The following DOT1L variants were observed in gnomAD, a reference collection of about 807,000 sequenced individuals.
The protein encoded by DOT1L is histone-lysine N-methyltransferase, H3 lysine-79 specific.
DOT1L carries 33 observed loss-of-function variants against 153.3 expected under a neutral mutation model. The observed-to-expected ratio is 0.22, with a 90% confidence interval of 0.16 to 0.29. The LOEUF (loss-of-function observed/expected upper bound fraction) is 0.29. DOT1L is among the 10% of genes least tolerant of loss of function. The probability of loss-of-function intolerance (pLI) is 1.00; values close to 1 mark genes in which losing one functional copy is unlikely to be tolerated. For synonymous variants in DOT1L, 1,135 were observed against 965.1 expected (o/e 1.18, Z -3.26); for missense variants, 1,847 against 2,119.9 (o/e 0.87, Z 2.53).
Position 2,230,800 on chromosome 19 carries a change from C to G in DOT1L, c.*1008C>G, listed in dbSNP as rs1452906936. On this transcript the variant is annotated 3_prime_UTR_variant, in exon 28 of 28. Transcript: ENST00000398665. ...CACAAAATGGCCCCAGCGTCAGCCC[C>G]GACCCTAGACCCCTCAGTTGCAGCT... 1 of 384,000 alleles carries G rather than the reference C, an allele frequency of 2.6e-6. No homozygotes were observed. Among genetic ancestry groups the G allele is most frequent in the South Asian group, 1.4e-4 (1 of 6,912 alleles). The allele number at this position is 384,000 out of a possible 1,614,324, so 23.8% of individuals were successfully genotyped here.
intron 1 of DOT1L, among the ~76,000 whole-genome samples, chr19:2,165,473 C>T (rs2019878261): frequency 6.6e-6 from 1 of 152,208 alleles, no homozygotes; most frequent in African/African-American, 2.4e-5. Context: ...CCCTGGGGCT[C>T]TGGCTTCTCT....
At chr19:2,185,458 G>C (rs1396356078) in intron 2 of DOT1L, among the ~76,000 whole-genome samples, 1 of 152,170 alleles carries the variant, frequency 6.6e-6, no homozygotes, top group African/African-American at 2.4e-5. Context: ...TTCTGTTGGA[G>C]AGGATGCAGT....
At chr19:2,223,513 G>A (rs765461337) in intron 25 of DOT1L, 27 bp downstream of exon 25, 3 of 1,555,186 alleles carry the variant, frequency 1.9e-6, no homozygotes, top group Admixed American at 3.6e-5. Context: ...GGAGGGGGGC[G>A]GGGCCTGGCA....
intron 3 of DOT1L, among the ~76,000 whole-genome samples, chr19:2,187,886 C>T (rs868628652): frequency 1.1e-4 from 17 of 148,436 alleles, no homozygotes; most frequent in South Asian, 2.1e-4. Context: ...CGCGCCACCG[C>T]ACTCCAGCCT....
Position 2,217,139 on chromosome 19 carries a change from G to C in DOT1L, c.2544+49G>C. ...GGGCTCAGGGAGGTGCTCAGCAGAG[G>C]CGGCCTGAGCGAGTTGCTAGCAGGA... On this transcript the variant is annotated intron_variant, in intron 21 of 27. Transcript: ENST00000398665. This position sits in a 1 kb window ranked among gnomAD's most constrained non-coding sequence, Gnocchi z 7.3. The C allele has an allele frequency of 6.6e-7, 1 of 1,516,714 alleles. No individual in the cohort carries two copies. Among genetic ancestry groups the C allele is most frequent in the Non-Finnish European group, 8.8e-7 (1 of 1,134,386 alleles). 94.0% of individuals were successfully genotyped at this position (1,516,714 alleles called of 1,614,324 possible).
rs762531606 is a variant in DOT1L, at chr19:2,226,259, G to A, written c.3738G>A (p.Ser1246=). The A allele has an allele frequency of 5.7e-6, 9 of 1,582,088 alleles. No individual in the cohort carries two copies. The highest frequency in any genetic ancestry group is 1.8e-5 in the Admixed American group (1 of 55,954). Residue 1246 remains serine (S), a synonymous_variant, in exon 27 of 28, where the codon TCG becomes TCA. Transcript: ENST00000398665. ...VNSSKWKSTF[S]PISDIGLAKS... is the part of the protein sequence containing the mutation. ...GCAGCAAGTGGAAGTCCACCTTCTC[G>A]CCCATCTCCGACATCGGCCTGGCCA... is the stretch of plus-strand genomic sequence containing the variant.
chr19:2,174,504 T>C (rs1446073953), intron 1 of DOT1L, among the ~76,000 whole-genome samples: 1 of 152,098 alleles, frequency 6.6e-6, no homozygotes, highest in African/African-American at 2.4e-5. Context: ...CTGACCAACG[T>C]GGAGAAACCC....
chr19:2,222,684 A>G lies in DOT1L; in HGVS notation c.3390+125A>G, dbSNP rs2024171142. On this transcript the variant is annotated intron_variant, in intron 24 of 27. Transcript: ENST00000398665. This position sits in a 1 kb window ranked among gnomAD's most constrained non-coding sequence, Gnocchi z 6.5. ...GGGAGGCCGAGGCGGGTGGATCACA[A>G]GATCAGGACATCAAGACCATCCTGG... 3 of 900,982 alleles carry G rather than the reference A, an allele frequency of 3.3e-6. No individual in the cohort carries two copies. The East Asian group carries it at 8.0e-5, about 24-fold the overall frequency. The allele number at this position is 900,982 out of a possible 1,614,324, so 55.8% of individuals were successfully genotyped here. A position where few individuals can be genotyped will look rare whatever the true frequency, so the allele number is the denominator to read the frequency against.
chr19:2,214,783 C>G, intron 19 of DOT1L, 187 bp downstream of exon 19: 1 of 810,606 alleles, frequency 1.2e-6, no homozygotes, highest in East Asian at 3.0e-5. Context: ...ATGACTCTGC[C>G]TCACTCTAGC....
chr19:2,222,740 A>G lies in DOT1L; in HGVS notation c.3390+181A>G. On this transcript the variant is annotated intron_variant, in intron 24 of 27. Coordinates refer to ENST00000398665, the MANE Select transcript of DOT1L (RefSeq NM_032482.3). The surrounding 1 kb of genome is among the most constrained non-coding windows in gnomAD (Gnocchi z 6.5). ...ACGGTGAAACCCCGTCTCTACCAAA[A>G]ATACAAAAGATTAGCCGGGCGTGGT... 1.6e-6 allele frequency: 1 copy of G among 639,456 alleles called. No individual in the cohort carries two copies. Among genetic ancestry groups the G allele is most frequent in the Non-Finnish European group, 2.6e-6 (1 of 391,346 alleles). 39.6% of individuals were successfully genotyped at this position (639,456 alleles called of 1,614,324 possible). A position where few individuals can be genotyped will look rare whatever the true frequency, so the allele number is the denominator to read the frequency against.
intron 1 of DOT1L, among the ~76,000 whole-genome samples, chr19:2,169,668 C>T (rs1304727572): frequency 2.0e-5 from 3 of 152,026 alleles, no homozygotes; most frequent in South Asian, 2.1e-4. Flanking sequence ...TCTTTTTTTC[C>T]TTTAAAAATC....
At chr19:2,178,393 C>G (rs2022059120) in intron 1 of DOT1L, among the ~76,000 whole-genome samples, 4 of 149,700 alleles carry the variant, frequency 2.7e-5, no homozygotes, top group Admixed American at 2.7e-4. Flanking sequence ...CAAAAAATCT[C>G]CAAAACACAC....
At chr19:2,188,494 C>CCCG (rs1491479536) in intron 3 of DOT1L, among the ~76,000 whole-genome samples, 8 of 117,630 alleles carry the variant, frequency 6.8e-5, no homozygotes, top group East Asian at 5.2e-4. Flanking sequence ...CCCCCCCCCC[C>CCCG]ACCCGCACAG....
intron 27 of DOT1L, chr19:2,228,667 G>A (rs2024473208): frequency 1.0e-6 from 1 of 985,438 alleles, no homozygotes; most frequent in Non-Finnish European, 1.2e-6. Flanking sequence ...CAGCCCCTGT[G>A]GGCGAGGCTC....
chr19:2,218,954 C>G (rs1363659539), intron 22 of DOT1L, among the ~76,000 whole-genome samples: 3 of 152,214 alleles, frequency 2.0e-5, no homozygotes, highest in Non-Finnish European at 4.4e-5. Context: ...TCACTGCAGC[C>G]TCCGCCTGCT....
intron 16 of DOT1L, chr19:2,213,297 TG>T (rs2023778090): frequency 6.6e-6 from 3 of 456,620 alleles, no homozygotes; most frequent in Non-Finnish European, 1.2e-5. Flanking sequence ...TGAGTCCAGG[TG>T]GGGTGGCAGG....
chr19:2,213,354 C>T (rs114195268), intron 16 of DOT1L, 185 bp from the exon 17 acceptor site: 125 of 568,184 alleles, frequency 2.2e-4, no homozygotes, highest in Non-Finnish European at 3.6e-4. Context: ...GAACCTGATG[C>T]AGAGCTGGTC....
At chr19:2,200,976 C>CGCA (rs2023246959) in intron 8 of DOT1L, among the ~76,000 whole-genome samples, 3 of 132,050 alleles carry the variant, frequency 2.3e-5, no homozygotes, top group Admixed American at 7.4e-5. Flanking sequence ...TCGTCCTCCC[C>CGCA]TCATTCCTCG....
chr19:2,164,486 C>T (rs2144622399), intron 1 of DOT1L: 1 of 322,970 alleles, frequency 3.1e-6, no homozygotes, highest in Non-Finnish European at 5.6e-6. Flanking sequence ...GGAGCGGGAG[C>T]CGGCGCCCCC....
Sources: allele counts gnomAD v4.1 joint callset (sites outside exome capture counted in the v4.1 genomes callset), GRCh38; gene constraint gnomAD v4.1.1; non-coding constraint Gnocchi (gnomAD v3.1); transcripts MANE v1.5; gene names NCBI Gene and HGNC (gene_info 2026-07-23, HGNC 2026-07-21).